Variants in TMEM182 observed in about 807,000 individuals in gnomAD.
TMEM182 encodes transmembrane protein 182.
Under a neutral mutation model 26.8 loss-of-function variants are expected in TMEM182, and 20 were observed. The ratio of observed to expected loss-of-function variants is 0.75; its 90% confidence interval spans 0.53 to 1.09. The LOEUF (loss-of-function observed/expected upper bound fraction) is 1.09. Ranked by LOEUF, TMEM182 falls within the 50% of genes least tolerant of loss-of-function variation. TMEM182 has a pLI of 0.00. For synonymous variants in TMEM182, 109 were observed against 102.2 expected (o/e 1.07, Z -0.40); for missense variants, 277 against 275.5 (o/e 1.01, Z -0.04).
intron 1 of TMEM182, among the ~76,000 whole-genome samples, chr2:102,744,012 T>C (rs189706644): frequency 3.5e-4 from 54 of 152,296 alleles, no homozygotes; most frequent in African/African-American, 1.2e-3. Flanking sequence ...TTGCAGACTT[T>C]AACACCTCTC....
intron 4 of TMEM182, among the ~76,000 whole-genome samples, chr2:102,812,641 T>G (rs981431550): frequency 6.6e-6 from 1 of 152,212 alleles, no homozygotes; most frequent in Non-Finnish European, 1.5e-5. Context: ...CAATACATTT[T>G]CCTAATACTC....
At chr2:102,829,773 G>A (rs908881059) in intron 3 of TMEM182, among the ~76,000 whole-genome samples, 2 of 152,104 alleles carry the variant, frequency 1.3e-5, no homozygotes, top group African/African-American at 4.8e-5. Context: ...AGGCAGCCTG[G>A]GGCTTTATGA....
intron 3 of TMEM182, among the ~76,000 whole-genome samples, chr2:102,792,593 G>A (rs934066135): frequency 6.6e-6 from 1 of 152,214 alleles, no homozygotes; most frequent in African/African-American, 2.4e-5. Flanking sequence ...AAAGTATGGT[G>A]CATGTGAAAA....
upstream of TMEM182, among the ~76,000 whole-genome samples, chr2:102,760,764 G>A (rs958817302): frequency 5.3e-5 from 8 of 151,980 alleles, no homozygotes; most frequent in African/African-American, 7.2e-5. Context: ...ACAGGGGCCC[G>A]CCACCATGCC....
intron 3 of TMEM182, among the ~76,000 whole-genome samples, chr2:102,825,164 A>G (rs1272843251): frequency 6.6e-6 from 1 of 152,262 alleles, no homozygotes; most frequent in Non-Finnish European, 1.5e-5. Flanking sequence ...AAGGTCTGTT[A>G]TTGCCTATTG....
At position 102,824,825 on chromosome 2, in the gene TMEM182, G is replaced by GAAAAC. The variant is rs575853306; in HGVS notation, c.326-18572_326-18568dup. Among the ~76,000 whole-genome samples the GAAAAC allele has an allele frequency of 2.5e-3, 375 of 152,124 alleles. 1 individual carries two copies. The highest frequency in any genetic ancestry group is 6.3e-3 in the African/African-American group (260 of 41,506). Reference sequence around the variant, plus strand: ...CTGGTGACAGAGCAAGACTCTGTCTGAAAACAAAACAAAACAAAAAAAAGA... The same window carrying GAAAAC: ...CTGGTGACAGAGCAAGACTCTGTCTGAAAACAAAACAAAACAAAACAAAAAAAAGA... On this transcript the variant is annotated intron_variant, in intron 3 of 3. Transcript: ENST00000486293.
chr2:102,819,655 TAATG>T (rs1165645068), downstream of TMEM182, among the ~76,000 whole-genome samples: 1 of 152,198 alleles, frequency 6.6e-6, no homozygotes, highest in Non-Finnish European at 1.5e-5. Context: ...TATATACACA[TAATG>T]TATGTGTATG....
chr2:102,798,903 T>C (rs1021296643), intron 4 of TMEM182, among the ~76,000 whole-genome samples: 1 of 152,212 alleles, frequency 6.6e-6, no homozygotes, highest in Non-Finnish European at 1.5e-5. Flanking sequence ...ATTTTCTGTG[T>C]GAAGCTTGCA....
At chr2:102,842,749 G>A (rs563439829) in intron 3 of TMEM182, among the ~76,000 whole-genome samples, 8 of 152,054 alleles carry the variant, frequency 5.3e-5, no homozygotes, top group Middle Eastern at 6.8e-3. Context: ...ACTTAACTTC[G>A]GAATGAGATG....
rs1681934605 is a variant in TMEM182, at chr2:102,797,850, C to T, written c.332-13C>T. 1.9e-6 allele frequency: 3 copies of T among 1,604,930 alleles called. No homozygotes were observed. Among genetic ancestry groups the T allele is most frequent in the African/African-American group, 1.4e-5 (1 of 74,046 alleles). The stretch of plus-strand genomic sequence containing the variant: ...TTTTTCTTTCTTTTCTCTTTTCCTC[C>T]TGGGGTCTCCAGTTTACCGTGGTTT... On this transcript the variant is annotated splice_polypyrimidine_tract_variant and intron_variant, in intron 3 of 4. Coordinates refer to ENST00000412401, the MANE Select transcript of TMEM182 (RefSeq NM_144632.5).
At chr2:102,810,015 C>T (rs780485731) in intron 4 of TMEM182, among the ~76,000 whole-genome samples, 1 of 152,102 alleles carries the variant, frequency 6.6e-6, no homozygotes, top group African/African-American at 2.4e-5. Flanking sequence ...CCCCAAGTAA[C>T]CTATAACTGC....
intron 4 of TMEM182, among the ~76,000 whole-genome samples, chr2:102,800,871 C>T (rs1273509440): frequency 6.8e-6 from 1 of 147,142 alleles, no homozygotes; most frequent in African/African-American, 2.5e-5. Flanking sequence ...AATTGTTGGT[C>T]TTTTTCCATT....
intron 3 of TMEM182, among the ~76,000 whole-genome samples, chr2:102,784,260 C>T (rs1446489772): frequency 6.6e-6 from 1 of 152,134 alleles, no homozygotes; most frequent in African/African-American, 2.4e-5. Flanking sequence ...CAGAGTTTTC[C>T]ATGCCTTTGT....
At chr2:102,779,994 A>C (rs1157217157) in intron 3 of TMEM182, among the ~76,000 whole-genome samples, 1 of 151,020 alleles carries the variant, frequency 6.6e-6, no homozygotes, top group Admixed American at 6.6e-5. Context: ...TAAGAGTGAA[A>C]CTCTGTCTTG....
At chr2:102,762,397 A>G in intron 1 of TMEM182, 48 bp downstream of exon 1, 1 of 1,609,344 alleles carries the variant, frequency 6.2e-7, no homozygotes, top group Non-Finnish European at 8.5e-7. Flanking sequence ...TTATGAAGAT[A>G]CCCTTATGTA....
intron 3 of TMEM182, among the ~76,000 whole-genome samples, chr2:102,794,899 C>T (rs993255494): frequency 6.6e-5 from 10 of 152,132 alleles, no homozygotes; most frequent in Non-Finnish European, 7.3e-5. Flanking sequence ...CCAATATCTA[C>T]GGCCTCTGCT....
chr2:102,776,613 C>T (rs974750061), intron 3 of TMEM182, among the ~76,000 whole-genome samples: 1 of 152,146 alleles, frequency 6.6e-6, no homozygotes, highest in Non-Finnish European at 1.5e-5. Context: ...AATAAAGCCT[C>T]TATAAACATT....
chr2:102,750,426 C>G (rs1458041510), intron 1 of TMEM182, among the ~76,000 whole-genome samples: 1 of 152,138 alleles, frequency 6.6e-6, no homozygotes, highest in African/African-American at 2.4e-5. Context: ...TGCTTCTGTC[C>G]TAAGGAAATT....
intron 3 of TMEM182, chr2:102,834,343 G>A: frequency 1.0e-6 from 1 of 978,368 alleles, no homozygotes; most frequent in African/African-American, 1.8e-5. Flanking sequence ...GTTTTTTTCT[G>A]TATATTGTAA....
Sources: allele counts gnomAD v4.1 joint callset (sites outside exome capture counted in the v4.1 genomes callset), GRCh38; gene constraint gnomAD v4.1.1; transcripts MANE v1.5; gene names NCBI Gene and HGNC (gene_info 2026-07-23, HGNC 2026-07-21).